The following MYOM1 variants were observed in gnomAD, a reference collection of about 807,000 sequenced individuals.
MYOM1 encodes myomesin-1.
MYOM1 carries 164 observed loss-of-function variants against 205.3 expected under a neutral mutation model. That is an observed-to-expected ratio of 0.80 (90% confidence interval 0.70 to 0.91). MYOM1 has a LOEUF of 0.91. MYOM1 is among the 40% of genes least tolerant of loss of function. The pLI is 0.00. For missense variants in MYOM1, 2,011 were observed against 2,127.3 expected (o/e 0.95, Z 1.08); for synonymous variants, 772 against 789.4 (o/e 0.98, Z 0.37).
chr18:3,079,097 G>A, intron 34 of MYOM1, 82 bp downstream of exon 34: 5 of 1,440,764 alleles, frequency 3.5e-6, no homozygotes, highest in Non-Finnish European at 4.8e-6. Flanking sequence ...ACAGGCATAA[G>A]CCACCATGCC....
chr18:3,180,245 A>C (rs990516053), intron 5 of MYOM1, among the ~76,000 whole-genome samples: 1 of 152,168 alleles, frequency 6.6e-6, no homozygotes, highest in Admixed American at 6.5e-5. Context: ...CCTTTTCCCC[A>C]GCTAACAACT....
chr18:3,197,746 G>A lies in MYOM1; in HGVS notation c.291-3788C>T, dbSNP rs926263884. On this transcript the variant is annotated intron_variant, in intron 2 of 37. Transcript: ENST00000356443. ...AAATTAGCTGGGCATGGTGGCAGGCGCCTGTGGTCCCAGCTACTCGGGAGG... is the reference window on the plus strand; with the variant it reads ...AAATTAGCTGGGCATGGTGGCAGGCACCTGTGGTCCCAGCTACTCGGGAGG... 1.7e-4 allele frequency among the ~76,000 whole-genome samples: 26 copies of A among 151,848 alleles called. 1 individual carries two copies. Among genetic ancestry groups the A allele is most frequent in the Admixed American group, 9.2e-4 (14 of 15,262 alleles).
chr18:3,200,973 C>A (rs950485238), intron 2 of MYOM1, among the ~76,000 whole-genome samples: 1 of 152,052 alleles, frequency 6.6e-6, no homozygotes, highest in Admixed American at 6.5e-5. Context: ...CAGAGAGAAA[C>A]CTTGAAAGCA....
At chr18:3,197,677 T>G (rs530070820) in intron 2 of MYOM1, among the ~76,000 whole-genome samples, 15 of 151,558 alleles carry the variant, frequency 9.9e-5, no homozygotes, top group Middle Eastern at 3.2e-3. Flanking sequence ...ATCGAGACCA[T>G]CCTAGCTAAC....
intron 37 of MYOM1, among the ~76,000 whole-genome samples, 156 bp downstream of exon 37, chr18:3,071,678 C>T (rs557416718): frequency 1.0e-3 from 154 of 152,232 alleles, no homozygotes; most frequent in African/African-American, 3.6e-3. Flanking sequence ...TGATTTTTAA[C>T]CTTGTGTTTG....
intron 34 of MYOM1, 144 bp from the exon 35 acceptor site, chr18:3,075,905 A>C: frequency 2.8e-6 from 2 of 702,376 alleles, no homozygotes; most frequent in Admixed American, 4.5e-5. Context: ...TTATGTGTTC[A>C]CTCCACAGCT....
chr18:3,233,130 T>G, the MYOM1 span, among the ~76,000 whole-genome samples: 1 of 152,256 alleles, frequency 6.6e-6, no homozygotes, highest in Non-Finnish European at 1.5e-5. Context: ...TGCCTTTATA[T>G]GTAAACAAGA....
intron 20 of MYOM1, among the ~76,000 whole-genome samples, chr18:3,117,274 G>A (rs1419368361): frequency 6.6e-6 from 1 of 152,134 alleles, no homozygotes; most frequent in Non-Finnish European, 1.5e-5. Flanking sequence ...CTCTTTCAAA[G>A]GAAAAAGCAT....
chr18:3,166,284 T>A lies in MYOM1; in HGVS notation c.1340-1845A>T, dbSNP rs551108690. ...AAGTCTTTTTTTTTTTTTTTTTTTT[T>A]ATTTGAGGCGGCGTCTCAGTCTGTC... On this transcript the variant is annotated intron_variant, in intron 9 of 37. Transcript: ENST00000356443. Among the ~76,000 whole-genome samples the A allele has an allele frequency of 3.3e-3, 488 of 149,452 alleles. 1 individual carries two copies. The highest frequency in any genetic ancestry group is 0.011 in the African/African-American group (464 of 40,484).
intron 3 of MYOM1, among the ~76,000 whole-genome samples, chr18:3,193,359 T>TAC (rs536189289): frequency 1.3e-4 from 15 of 119,292 alleles, no homozygotes; most frequent in African/African-American, 3.9e-4. Context: ...TATATATATA[T>TAC]ATACACACAC....
In MYOM1 at chr18:3,155,023, T is replaced by TCA. The variant is rs1161487280; in HGVS notation, c.1566_1567insTG (p.Lys523Ter). Reference sequence around the variant, plus strand: ...TTCCAGGAGATGATGATATAATCTTTGTTGGCCTCCAAGCACTTCACATCC... The same window carrying TCA: ...TTCCAGGAGATGATGATATAATCTTTCAGTTGGCCTCCAAGCACTTCACATCC... On this transcript the variant is annotated frameshift_variant, in exon 11 of 38. Transcript: ENST00000356443. LOFTEE classifies it high-confidence loss of function. The TCA allele has an allele frequency of 5.0e-6, 8 of 1,613,476 alleles. No homozygotes were observed. The African/African-American group carries it at 8.0e-5, about 16-fold the overall frequency.
chr18:3,230,428 T>C, the MYOM1 span, among the ~76,000 whole-genome samples: 1 of 152,246 alleles, frequency 6.6e-6, no homozygotes, highest in South Asian at 2.1e-4. Context: ...TCCCGTTTTC[T>C]GAGTGACAGA....
the MYOM1 span, among the ~76,000 whole-genome samples, chr18:3,226,041 T>C: frequency 1.9e-4 from 29 of 152,350 alleles, no homozygotes; most frequent in Middle Eastern, 0.01. The surrounding 1 kb of genome is among the most constrained non-coding windows in gnomAD (Gnocchi z 4.6). Flanking sequence ...CATCAGTATT[T>C]TCACATAATG....
At chr18:3,172,339 G>A (rs1472885287) in intron 8 of MYOM1, among the ~76,000 whole-genome samples, 1 of 152,156 alleles carries the variant, frequency 6.6e-6, no homozygotes, top group Non-Finnish European at 1.5e-5. Flanking sequence ...TAAGAGAAGT[G>A]AGAGTGAGTT....
In MYOM1 at chr18:3,127,305, A is replaced by ATATATATATATATT. The variant is rs56880961; in HGVS notation, c.2795-409_2795-408insAATATATATATATA. 3.4e-3 allele frequency among the ~76,000 whole-genome samples: 160 copies of ATATATATATATATT among 47,562 alleles called. 1 individual carries two copies. Among genetic ancestry groups the ATATATATATATATT allele is most frequent in the Non-Finnish European group, 3.9e-3 (108 of 27,572 alleles). 31.2% of individuals were successfully genotyped at this position (47,562 alleles called of 152,430 possible). A position where few individuals can be genotyped will look rare whatever the true frequency, so the allele number is the denominator to read the frequency against. Reference sequence around the variant, plus strand: ...TCCATATATATATATATATATATATATTTTTTTTTTTTTTTTTTTTGAGCT... The same window carrying ATATATATATATATT: ...TCCATATATATATATATATATATATATATATATATATATTTTTTTTTTTTTTTTTTTTTTGAGCT... On this transcript the variant is annotated intron_variant, in intron 18 of 37. Coordinates refer to ENST00000356443, the MANE Select transcript of MYOM1 (RefSeq NM_003803.4).
At chr18:3,096,144 G>A (rs887931741) in intron 25 of MYOM1, among the ~76,000 whole-genome samples, 7 of 152,130 alleles carry the variant, frequency 4.6e-5, no homozygotes, top group African/African-American at 1.7e-4. Context: ...AAATGTGGCC[G>A]TGCCTACATA....
In MYOM1 at chr18:3,102,639, T is replaced by A; in HGVS notation, c.3419-9A>T. On this transcript the variant is annotated splice_polypyrimidine_tract_variant and intron_variant, in intron 22 of 37. Transcript: ENST00000356443. ...AACAACCTCTTTGGTTCCTACAAGATCAAAAAGAAGGCACTGATACTTCGT... is the reference window on the plus strand; with the variant it reads ...AACAACCTCTTTGGTTCCTACAAGAACAAAAAGAAGGCACTGATACTTCGT... The A allele has an allele frequency of 6.2e-7, 1 of 1,608,760 alleles. No homozygotes were observed.
chr18:3,098,684 C>T (rs1468932637), intron 25 of MYOM1, among the ~76,000 whole-genome samples: 3 of 152,194 alleles, frequency 2.0e-5, no homozygotes, highest in Non-Finnish European at 4.4e-5. Flanking sequence ...AGGCGCACAG[C>T]TTGAGTCAAA....
At chr18:3,079,145 A>C in intron 34 of MYOM1, 34 bp downstream of exon 34, 1 of 1,605,508 alleles carries the variant, frequency 6.2e-7, no homozygotes, top group Non-Finnish European at 8.5e-7. Flanking sequence ...TCATTCATCT[A>C]GAGTAAATTT....
Sources: gnomAD v4.1 joint callset for allele counts (sites outside exome capture counted in the v4.1 genomes callset) on GRCh38, gnomAD v4.1.1 for gene constraint, Gnocchi (gnomAD v3.1) non-coding constraint, MANE v1.5 for transcripts, NCBI Gene and HGNC (gene_info 2026-07-23, HGNC 2026-07-21) for gene names.